Variants in ATP10A observed in about 807,000 individuals in gnomAD.
ATP10A encodes phospholipid-transporting ATPase VA.
A neutral mutation model predicts 147.8 loss-of-function variants in ATP10A; 111 were observed. The observed-to-expected ratio is 0.75, with a 90% CI of 0.64 to 0.88. The LOEUF (loss-of-function observed/expected upper bound fraction) is 0.88, where lower values mean the gene tolerates loss of function less well. ATP10A is among the 40% of genes least tolerant of loss of function. The probability of loss-of-function intolerance (pLI) is 0.00; values close to 1 mark genes in which losing one functional copy is unlikely to be tolerated. For missense variants in ATP10A, 1,927 were observed against 1,959.0 expected (o/e 0.98, Z 0.31); for synonymous variants, 875 against 841.6 (o/e 1.04, Z -0.69).
chr15:25,694,660 A>G (rs897172700), intron 14 of ATP10A, among the ~76,000 whole-genome samples, 159 bp downstream of exon 14: 1 of 152,158 alleles, frequency 6.6e-6, no homozygotes, highest in African/African-American at 2.4e-5. Flanking sequence ...TGTAAACTTT[A>G]CCTTCGGAAC....
chr15:25,757,674 C>A (rs893217926), intron 2 of ATP10A, among the ~76,000 whole-genome samples: 1 of 152,180 alleles, frequency 6.6e-6, no homozygotes, highest in South Asian at 2.1e-4. Flanking sequence ...TAATTTCTTT[C>A]TTTTGCATGA....
intron 1 of ATP10A, among the ~76,000 whole-genome samples, chr15:25,806,521 C>A (rs988763784): frequency 4.4e-4 from 67 of 152,098 alleles, no homozygotes; most frequent in Non-Finnish European, 2.9e-4. Flanking sequence ...ACGGTGTTAG[C>A]CAGGATGGTC....
At chr15:25,725,045 G>A (rs2140438657) in intron 5 of ATP10A, among the ~76,000 whole-genome samples, 1 of 152,310 alleles carries the variant, frequency 6.6e-6, no homozygotes, top group Middle Eastern at 3.4e-3. Flanking sequence ...GTTAGGAACT[G>A]GGCAGCACAG....
intron 1 of ATP10A, among the ~76,000 whole-genome samples, chr15:25,808,639 C>T (rs1197757646): frequency 3.3e-5 from 5 of 152,226 alleles, no homozygotes; most frequent in Non-Finnish European, 7.3e-5. Flanking sequence ...CCGCCTCGGA[C>T]TCCCCAAGTT....
At position 25,726,847 on chromosome 15, in the gene ATP10A, T is replaced by C. The variant is rs570371145; in HGVS notation, c.847+313A>G. Among the ~76,000 whole-genome samples, 403 of 148,826 alleles carry C rather than the reference T, an allele frequency of 2.7e-3. 3 individuals are homozygous for C. The highest frequency in any genetic ancestry group is 9.7e-3 in the African/African-American group (390 of 40,316). On this transcript the variant is annotated intron_variant, in intron 4 of 20. Transcript: ENST00000555815. ...CGGGCGGATCACGAGATCAGGAGAT[T>C]GAGACTATCCTGGCTAATACGGTGA...
At chr15:25,746,004 C>T (rs1442331072) in intron 2 of ATP10A, among the ~76,000 whole-genome samples, 1 of 152,028 alleles carries the variant, frequency 6.6e-6, no homozygotes, top group Non-Finnish European at 1.5e-5. Context: ...TAAATGGATG[C>T]TTCACACTCA....
In ATP10A at chr15:25,679,971, C is replaced by A. The variant is rs1379277647; in HGVS notation, c.3870G>T (p.Leu1290Phe). 34 of 1,590,364 alleles carry A rather than the reference C, an allele frequency of 2.1e-5. No individual in the cohort carries two copies. The highest frequency in any genetic ancestry group is 2.9e-5 in the Non-Finnish European group (34 of 1,164,332). Residue 1290 changes from leucine (L) to phenylalanine (F), a missense_variant, in exon 21 of 21, where the codon TTG becomes TTT. Transcript: ENST00000555815. Reference sequence around the variant, plus strand: ...CCCTCCCCTGGAGGGATCTGAAAAACAATCTAGAAAAAGTACATTAAAACA... The same window carrying A: ...CCCTCCCCTGGAGGGATCTGAAAAAAAATCTAGAAAAAGTACATTAAAACA... ...MTPVAALLPR[L>F]FFRSLQGRVF...
intron 1 of ATP10A, among the ~76,000 whole-genome samples, chr15:25,859,483 G>A (rs1179930497): frequency 6.6e-6 from 1 of 152,074 alleles, no homozygotes; most frequent in Non-Finnish European, 1.5e-5. Flanking sequence ...TGATCAGAGG[G>A]GCTTCCCACA....
chr15:25,836,853 T>G lies in ATP10A; in HGVS notation c.449+25795A>C, dbSNP rs1892619333. Among the ~76,000 whole-genome samples, 5 of 152,296 alleles carry G rather than the reference T, an allele frequency of 3.3e-5. No individual in the cohort carries two copies. In the South Asian group the frequency reaches 1.0e-3, roughly 32 times the overall value. The stretch of plus-strand genomic sequence containing the variant: ...GATCCAGCAAGACCGTCTATGCATG[T>G]GCTGTCCCTCTCCCTGGCCTGCAAG... On this transcript the variant is annotated intron_variant, in intron 1 of 20. Transcript: ENST00000555815.
chr15:25,771,753 CTT>C (rs770092381), intron 2 of ATP10A, among the ~76,000 whole-genome samples: 8 of 143,414 alleles, frequency 5.6e-5, no homozygotes, highest in Non-Finnish European at 4.6e-5. Flanking sequence ...TGAAAGCCAC[CTT>C]TTTTTTTTTT....
intron 3 of ATP10A, among the ~76,000 whole-genome samples, chr15:25,727,785 T>G (rs1902672421): frequency 6.6e-6 from 1 of 152,252 alleles, no homozygotes; most frequent in Non-Finnish European, 1.5e-5. Flanking sequence ...GTCTGAAATG[T>G]GGTAAATTCC....
At chr15:25,680,960 T>C in intron 18 of ATP10A, 34 bp downstream of exon 18, 1 of 1,613,700 alleles carries the variant, frequency 6.2e-7, no homozygotes, top group Non-Finnish European at 8.5e-7. Context: ...CGGATCCAGC[T>C]GGTAAGAAAA....
downstream of ATP10A, among the ~76,000 whole-genome samples, chr15:25,674,772 C>T (rs1427599437): frequency 1.3e-5 from 2 of 152,250 alleles, no homozygotes; most frequent in Non-Finnish European, 2.9e-5. Flanking sequence ...GGAAATACCA[C>T]TTTCTGCAGT....
At chr15:25,695,302 C>T (rs1394293203) in intron 13 of ATP10A, among the ~76,000 whole-genome samples, 156 bp from the exon 14 acceptor site, 1 of 152,106 alleles carries the variant, frequency 6.6e-6, no homozygotes, top group East Asian at 1.9e-4. Flanking sequence ...TGAAGTTCAG[C>T]CGGAGAGGAT....
intron 2 of ATP10A, among the ~76,000 whole-genome samples, chr15:25,778,537 G>T (rs1043842457): frequency 2.0e-5 from 3 of 151,376 alleles, no homozygotes; most frequent in African/African-American, 7.3e-5. Context: ...AAGGTAATTG[G>T]GACCAGAATG....
chr15:25,862,812 C>A lies in ATP10A; in HGVS notation c.285G>T (p.Ala95=). 1 of 1,609,918 alleles carries A rather than the reference C, an allele frequency of 6.2e-7. No homozygotes were observed. Among genetic ancestry groups the A allele is most frequent in the South Asian group, 1.1e-5 (1 of 90,332 alleles). ...TCACCGCCGGCACGAAGTTGAGCAG[C>A]GCGATGAAGACAAAGTACACGTTGG... is the stretch of plus-strand genomic sequence containing the variant. ...RPANVYFVFI[A]LLNFVPAVNA... The change falls in exon 1 of 21, where the codon GCG becomes GCT. Residue 95 remains alanine (A), a synonymous_variant. Coordinates refer to ENST00000555815, the MANE Select transcript of ATP10A (RefSeq NM_024490.4).
At chr15:25,738,892 G>A (rs1596793363) in intron 2 of ATP10A, among the ~76,000 whole-genome samples, 1 of 152,086 alleles carries the variant, frequency 6.6e-6, no homozygotes, top group Non-Finnish European at 1.5e-5. Context: ...TTTAAGTATC[G>A]TGCCCAAGGT....
intron 2 of ATP10A, among the ~76,000 whole-genome samples, chr15:25,770,935 G>C (rs958097224): frequency 2.0e-5 from 3 of 152,174 alleles, no homozygotes; most frequent in African/African-American, 4.8e-5. Context: ...TGTGGAACTC[G>C]GGTCGCACAG....
intron 3 of ATP10A, among the ~76,000 whole-genome samples, chr15:25,729,793 C>T (rs1034072600): frequency 3.9e-5 from 6 of 152,206 alleles, no homozygotes; most frequent in Non-Finnish European, 8.8e-5. Flanking sequence ...CCAGGCCCCC[C>T]ACCCAGGCCA....
Sources: gnomAD v4.1 joint callset for allele counts (sites outside exome capture counted in the v4.1 genomes callset) on GRCh38, gnomAD v4.1.1 for gene constraint, MANE v1.5 for transcripts, NCBI Gene and HGNC (gene_info 2026-07-23, HGNC 2026-07-21) for gene names.